The following MBD5 variants were observed in gnomAD, a reference collection of about 807,000 sequenced individuals.
MBD5 encodes methyl-CpG-binding domain protein 5.
MBD5 carries 13 observed loss-of-function variants against 117.3 expected under a neutral mutation model. The observed-to-expected ratio is 0.11, with a 90% CI of 0.07 to 0.18. MBD5 has a LOEUF of 0.18. Among genes scored for constraint, MBD5 ranks in the 10% least tolerant of loss-of-function variants. The pLI is 1.00. For missense variants in MBD5, 1,879 were observed against 2,093.8 expected, an observed-to-expected ratio of 0.90 and a Z score of 2.00; for synonymous variants, 727 against 766.4, an observed-to-expected ratio of 0.95 and a Z score of 0.85.
intron 3 of MBD5, among the ~76,000 whole-genome samples, chr2:148,329,842 G>A (rs926075561): frequency 1.3e-5 from 2 of 151,996 alleles, no homozygotes; most frequent in African/African-American, 2.4e-5. Context: ...CTGTTACAAG[G>A]CATAACTTGC....
chr2:148,079,364 A>G (rs551276429), intron 1 of MBD5, among the ~76,000 whole-genome samples: 1 of 152,320 alleles, frequency 6.6e-6, no homozygotes, highest in African/African-American at 2.4e-5. Flanking sequence ...CGATGAGGAT[A>G]TTGTTATAGT....
intron 1 of MBD5, among the ~76,000 whole-genome samples, chr2:148,126,346 T>C (rs1468386305): frequency 2.0e-5 from 3 of 146,656 alleles, no homozygotes; most frequent in Non-Finnish European, 3.0e-5. Flanking sequence ...GCAGAGTTTG[T>C]AGTGAGCCAA....
intron 4 of MBD5, among the ~76,000 whole-genome samples, chr2:148,380,827 T>G (rs1198912554): frequency 6.6e-6 from 1 of 152,218 alleles, no homozygotes; most frequent in Non-Finnish European, 1.5e-5. Context: ...TCCACTGTTC[T>G]GCAGCCACCG....
intron 12 of MBD5, among the ~76,000 whole-genome samples, chr2:148,503,236 A>T (rs746482135): frequency 1.4e-4 from 21 of 152,234 alleles, no homozygotes; most frequent in Non-Finnish European, 2.4e-4. Flanking sequence ...TTCAGTTGCC[A>T]TACTAATTTC....
At position 148,154,810 on chromosome 2, in the gene MBD5, C is replaced by T. The variant is rs559473823; in HGVS notation, c.-924-23890C>T. Among the ~76,000 whole-genome samples, 296 of 152,288 alleles carry T rather than the reference C, an allele frequency of 1.9e-3. 1 individual carries two copies. The highest frequency in any genetic ancestry group is 6.6e-3 in the African/African-American group (273 of 41,576). ...TCGGCTCGCGCACGGTGCACACACC[C>T]ACTGACCTGCGCCCACTGTCTGGCA... is the stretch of plus-strand genomic sequence containing the variant. On this transcript the variant is annotated intron_variant, in intron 1 of 13. Coordinates refer to ENST00000642680, the MANE Select transcript of MBD5 (RefSeq NM_001378120.1).
chr2:148,426,528 C>G (rs1435499433), intron 4 of MBD5, among the ~76,000 whole-genome samples: 1 of 151,916 alleles, frequency 6.6e-6, no homozygotes, highest in Admixed American at 6.6e-5. Context: ...CTTTGACAAA[C>G]CTGACAAAAA....
chr2:148,093,208 G>A (rs113631048), intron 1 of MBD5, among the ~76,000 whole-genome samples: 141 of 152,282 alleles, frequency 9.3e-4, no homozygotes, highest in African/African-American at 3.3e-3. Flanking sequence ...ACCGCACCTG[G>A]CTGGTAGACT....
chr2:148,345,098 A>G (rs566728871), intron 4 of MBD5, among the ~76,000 whole-genome samples: 5 of 151,822 alleles, frequency 3.3e-5, no homozygotes, highest in Non-Finnish European at 7.4e-5. Flanking sequence ...GTATGTCTTC[A>G]AGATGTTGAT....
At position 148,483,575 on chromosome 2, in the gene MBD5, A is replaced by G. The variant is rs1297982903; in HGVS notation, c.2984A>G (p.Asn995Ser). The G allele has an allele frequency of 6.4e-7, 1 of 1,562,832 alleles. No individual in the cohort carries two copies. The highest frequency in any genetic ancestry group is 8.7e-7 in the Non-Finnish European group (1 of 1,153,682). ...CAGCTCTTAGCAGCCTTGCTTCAGA[A>G]CCAAGCCCAAGCAGCTGCCATGCTT... is the stretch of plus-strand genomic sequence containing the variant. ...HFQLLAALLQNQAQAAAMLPL... is the reference protein window; with the variant it reads ...HFQLLAALLQSQAQAAAMLPL... The change falls in exon 9 of 14, where the codon AAC (asparagine) becomes AGC (serine). Residue 995 changes from asparagine (N) to serine (S), a missense_variant. By Grantham distance (46) the Asn-to-Ser change is conservative. This residue lies in a region of MBD5 where 1,666 missense variants were observed against 1,792.2 expected (regional missense o/e 0.93). Transcript: ENST00000642680.
chr2:148,120,475 T>C (rs890680441), intron 1 of MBD5, among the ~76,000 whole-genome samples: 1 of 152,240 alleles, frequency 6.6e-6, no homozygotes, highest in Non-Finnish European at 1.5e-5. Context: ...CATAAAGAAA[T>C]GCTTTGTAGT....
At position 148,469,810 on chromosome 2, in the gene MBD5, A is replaced by G. The variant is rs1335159571; in HGVS notation, c.1867A>G (p.Met623Val). The G allele has an allele frequency of 4.3e-6, 7 of 1,613,886 alleles. No individual in the cohort carries two copies. The highest frequency in any genetic ancestry group is 5.9e-6 in the Non-Finnish European group (7 of 1,179,858). ...TGAAGGACATAGCACTTTAAACACCATGTTCCCTCCTACTGCCAACATGCT... is the reference window on the plus strand; with the variant it reads ...TGAAGGACATAGCACTTTAAACACCGTGTTCCCTCCTACTGCCAACATGCT... The part of the protein sequence containing the change: ...NTEGHSTLNT[M>V]FPPTANMLLP... The change falls in exon 8 of 14, where the codon ATG becomes GTG. Residue 623 changes from methionine to valine, a missense_variant. Transcript: ENST00000642680.
intron 1 of MBD5, among the ~76,000 whole-genome samples, chr2:148,149,238 T>C (rs1697565488): frequency 7.2e-6 from 1 of 138,182 alleles, no homozygotes; most frequent in Admixed American, 7.5e-5. Flanking sequence ...TGATTTCCAA[T>C]TTCATCCATG....
Position 148,469,999 on chromosome 2 carries a change from G to C in MBD5, c.2056G>C (p.Asp686His), listed in dbSNP as rs140900949. The C allele has an allele frequency of 4.3e-6, 7 of 1,613,684 alleles. No individual in the cohort carries two copies. Among genetic ancestry groups the C allele is most frequent in the Non-Finnish European group, 5.9e-6 (7 of 1,179,828 alleles). ...DSSAVPKPGP[D>H]LLRKQGQGSF... ...TTCTGCAGTTCCTAAACCTGGACCTGACTTGCTAAGGAAGCAGGGTCAGGG... is the reference window on the plus strand; with the variant it reads ...TTCTGCAGTTCCTAAACCTGGACCTCACTTGCTAAGGAAGCAGGGTCAGGG... Residue 686 changes from aspartate (D) to histidine (H), a missense_variant, in exon 8 of 14, where the codon GAC becomes CAC. Asp to His is a moderately conservative substitution (Grantham distance 81). This residue lies in a region of MBD5 where 1,666 missense variants were observed against 1,792.2 expected (regional missense o/e 0.93). Coordinates refer to ENST00000642680, the MANE Select transcript of MBD5 (RefSeq NM_001378120.1).
chr2:148,134,931 G>T (rs750461854), intron 1 of MBD5, among the ~76,000 whole-genome samples: 5 of 152,100 alleles, frequency 3.3e-5, no homozygotes, highest in African/African-American at 1.2e-4. Context: ...CCTCGGACAG[G>T]GTATAGGGGT....
rs778221567 is a variant in MBD5, at chr2:148,490,028, A to C, written c.4396A>C (p.Asn1466His). Residue 1466 changes from asparagine to histidine, a missense_variant, in exon 11 of 14, where the codon AAT (asparagine) becomes CAT (histidine). This residue lies in a region of MBD5 where 1,666 missense variants were observed against 1,792.2 expected (regional missense o/e 0.93). Transcript: ENST00000642680. Reference protein sequence around the residue: ...HSSPCHERPNNVSTLPFLPGE... With the variant: ...HSSPCHERPNHVSTLPFLPGE... Reference sequence around the variant, plus strand: ...TAGTCCTTGTCATGAAAGGCCCAACAATGTCTCTACACTGCCATTTCTGCC... The same window carrying C: ...TAGTCCTTGTCATGAAAGGCCCAACCATGTCTCTACACTGCCATTTCTGCC... 1.9e-6 allele frequency: 3 copies of C among 1,613,998 alleles called. No homozygotes were observed. The East Asian group carries it at 6.7e-5, about 36-fold the overall frequency.
At chr2:148,295,762 A>T (rs1701632728) in intron 3 of MBD5, 1 of 163,520 alleles carries the variant, frequency 6.1e-6, no homozygotes, top group South Asian at 1.8e-4. Context: ...AATAGCAACA[A>T]GGTCGTGTAT....
intron 1 of MBD5, among the ~76,000 whole-genome samples, chr2:148,175,258 T>G (rs1698356948): frequency 6.6e-6 from 1 of 152,162 alleles, no homozygotes; most frequent in Admixed American, 6.5e-5. Context: ...AACAAAACAT[T>G]GAAATTGCAG....
chr2:148,486,209 G>A (rs542927695), intron 10 of MBD5, among the ~76,000 whole-genome samples: 2 of 152,168 alleles, frequency 1.3e-5, no homozygotes, highest in South Asian at 2.1e-4. Flanking sequence ...AAGCCCTTTT[G>A]TCATTTATCA....
intron 1 of MBD5, chr2:148,055,802 T>C (rs377605454): frequency 6.6e-6 from 1 of 152,188 alleles, no homozygotes; most frequent in Non-Finnish European, 1.5e-5. Flanking sequence ...TATTTCCATA[T>C]GTGTATGGGT....
Sources: gnomAD v4.1 joint callset for allele counts (sites outside exome capture counted in the v4.1 genomes callset) on GRCh38, gnomAD v4.1.1 for gene constraint, gnomAD v4.1.1 regional missense constraint, MANE v1.5 for transcripts, NCBI Gene and HGNC (gene_info 2026-07-23, HGNC 2026-07-21) for gene names.